The following TENM4 variants were observed in gnomAD, a reference collection of about 807,000 sequenced individuals.
TENM4 encodes the protein teneurin-4.
A neutral mutation model predicts 243.3 loss-of-function variants in TENM4; 82 were observed. That is an observed-to-expected ratio of 0.34 (90% CI 0.28 to 0.40). TENM4 has a LOEUF of 0.40. TENM4 is among the 10% of genes least tolerant of loss of function. The pLI, the probability that TENM4 is intolerant of heterozygous loss-of-function variation, is 1.00. For synonymous variants in TENM4, 1,412 were observed against 1,456.3 expected (o/e 0.97, Z 0.69); for missense variants, 3,138 against 3,673.3 (o/e 0.85, Z 3.77).
intron 4 of TENM4, among the ~76,000 whole-genome samples, chr11:79,085,824 A>G (rs59927238): frequency 0.04 from 6,058 of 152,144 alleles, 211 homozygotes; most frequent in East Asian, 0.16. Context: ...ATAACCCCAC[A>G]CTTTACATGC....
intron 1 of TENM4, among the ~76,000 whole-genome samples, chr11:79,343,964 T>G (rs1286445579): frequency 6.6e-6 from 1 of 152,200 alleles, no homozygotes; most frequent in African/African-American, 2.4e-5. Flanking sequence ...AAATCCCAGA[T>G]ACTTCCCAGC....
At chr11:79,369,935 T>C (rs1370131011) in intron 1 of TENM4, among the ~76,000 whole-genome samples, 1 of 152,120 alleles carries the variant, frequency 6.6e-6, no homozygotes, top group Non-Finnish European at 1.5e-5. Context: ...AAGTCCAGGA[T>C]TTTTCCAGGT....
intron 4 of TENM4, among the ~76,000 whole-genome samples, chr11:79,081,799 A>G (rs974436704): frequency 6.6e-6 from 1 of 152,028 alleles, no homozygotes; most frequent in Non-Finnish European, 1.5e-5. Flanking sequence ...TTCTGTTTTT[A>G]TCCCCCCAGC....
At chr11:79,072,562 A>C (rs1423361723) in intron 4 of TENM4, among the ~76,000 whole-genome samples, 2 of 152,188 alleles carry the variant, frequency 1.3e-5, no homozygotes, top group Non-Finnish European at 2.9e-5. Flanking sequence ...GTGTGTTTAC[A>C]TGTATAAAAG....
At chr11:78,780,582 T>A (rs1490341028) in intron 16 of TENM4, among the ~76,000 whole-genome samples, 1 of 152,072 alleles carries the variant, frequency 6.6e-6, no homozygotes, top group Non-Finnish European at 1.5e-5. Flanking sequence ...AGTTCTCTGA[T>A]GAAAAAAACT....
At chr11:79,222,384 T>A (rs1864178543) in intron 2 of TENM4, among the ~76,000 whole-genome samples, 1 of 152,100 alleles carries the variant, frequency 6.6e-6, no homozygotes, top group Admixed American at 6.5e-5. Context: ...ATGTACAACA[T>A]TTTTTTTCAT....
chr11:78,952,641 C>A (rs557275126), intron 6 of TENM4, among the ~76,000 whole-genome samples: 26 of 152,322 alleles, frequency 1.7e-4, no homozygotes, highest in Non-Finnish European at 2.8e-4. Context: ...TAATAGCAGA[C>A]CGGTGATCAC....
At chr11:79,049,194 C>T (rs1344367750) in intron 6 of TENM4, among the ~76,000 whole-genome samples, 2 of 152,168 alleles carry the variant, frequency 1.3e-5, no homozygotes, top group African/African-American at 4.8e-5. Context: ...AATTCCCTCC[C>T]CCAGTCCCCA....
At chr11:78,994,063 A>G (rs962789964) in intron 6 of TENM4, among the ~76,000 whole-genome samples, 2 of 152,210 alleles carry the variant, frequency 1.3e-5, no homozygotes, top group Non-Finnish European at 2.9e-5. Flanking sequence ...AATCACCATT[A>G]GATTAGGCCT....
intron 1 of TENM4, among the ~76,000 whole-genome samples, chr11:79,358,949 CA>C (rs1857543977): frequency 2.6e-5 from 3 of 116,174 alleles, no homozygotes; most frequent in African/African-American, 1.3e-4. Flanking sequence ...AGTAAAAAGG[CA>C]TTTTTTTTTT....
intron 4 of TENM4, among the ~76,000 whole-genome samples, chr11:79,137,714 G>A (rs1862138338): frequency 6.6e-6 from 1 of 152,058 alleles, no homozygotes; most frequent in Admixed American, 6.6e-5. Context: ...CCTTTATCAT[G>A]TGACATAAGA....
At chr11:79,141,818 C>A (rs1377484896) in intron 4 of TENM4, among the ~76,000 whole-genome samples, 2 of 151,994 alleles carry the variant, frequency 1.3e-5, no homozygotes, top group Non-Finnish European at 2.9e-5. Flanking sequence ...GGAATTTATT[C>A]CCAGATGCAA....
chr11:79,227,581 T>C (rs1408517115), intron 2 of TENM4, among the ~76,000 whole-genome samples: 1 of 152,102 alleles, frequency 6.6e-6, no homozygotes, highest in Non-Finnish European at 1.5e-5. Flanking sequence ...GGAAGAGTGA[T>C]AGGTGGGGCC....
At chr11:79,073,766 T>A (rs2137010528) in intron 4 of TENM4, among the ~76,000 whole-genome samples, 1 of 152,318 alleles carries the variant, frequency 6.6e-6, no homozygotes, top group Admixed American at 6.5e-5. Flanking sequence ...TTAAATGAGT[T>A]AAGATGTGCC....
At chr11:78,820,432 T>C (rs1857701392) in intron 12 of TENM4, among the ~76,000 whole-genome samples, 1 of 152,200 alleles carries the variant, frequency 6.6e-6, no homozygotes, top group African/African-American at 2.4e-5. Context: ...CTAGATGCCT[T>C]TGGACAAGCC....
Position 78,658,407 on chromosome 11 carries a change from G to T in TENM4, c.7961C>A (p.Thr2654Lys), listed in dbSNP as rs1353952390. The T allele has an allele frequency of 6.2e-7, 1 of 1,614,068 alleles. No homozygotes were observed. Among genetic ancestry groups the T allele is most frequent in the Admixed American group, 1.7e-5 (1 of 60,030 alleles). The change falls in exon 34 of 34, where the codon ACA (threonine) becomes AAA (lysine). Residue 2654 changes from threonine (T) to lysine (K), a missense_variant. Thr to Lys is a moderately conservative substitution (Grantham distance 78). Transcript: ENST00000278550. ...GVNVTVSQIN[T>K]VLNGRTRRYT... ...GCGTCTAGTCCTGCCATTAAGTACT[G>T]TGTTGATCTGGGACACAGTGACGTT...
At chr11:79,222,374 AT>A (rs1864178239) in intron 2 of TENM4, among the ~76,000 whole-genome samples, 1 of 152,116 alleles carries the variant, frequency 6.6e-6, no homozygotes, top group East Asian at 1.9e-4. Flanking sequence ...CATGGTGTAT[AT>A]GTACAACATT....
At chr11:78,672,437 G>C (rs1738337981) in intron 30 of TENM4, 108 bp from the exon 31 acceptor site, 2 of 1,191,906 alleles carry the variant, frequency 1.7e-6, no homozygotes, top group Admixed American at 4.3e-5. Context: ...GAGTAGAGGA[G>C]GGAGCACAGT....
At chr11:79,164,969 G>A (rs868845229) in intron 3 of TENM4, among the ~76,000 whole-genome samples, 2,715 of 151,270 alleles carry the variant, frequency 0.018, 82 homozygotes, top group African/African-American at 0.057. Context: ...GTGTGTGTGT[G>A]TGTGTGTGTG....
Sources: allele counts gnomAD v4.1 joint callset (sites outside exome capture counted in the v4.1 genomes callset), GRCh38; gene constraint gnomAD v4.1.1; transcripts MANE v1.5; gene names NCBI Gene and HGNC (gene_info 2026-07-23, HGNC 2026-07-21).